ERC1: variants seen among roughly 807,000 people sequenced by gnomAD.
ERC1 encodes RAB6 interacting protein 2.
ERC1 carries 56 observed loss-of-function variants against 132.0 expected under a neutral mutation model. The ratio of observed to expected loss-of-function variants is 0.42; its 90% CI spans 0.34 to 0.53. The LOEUF (loss-of-function observed/expected upper bound fraction) is 0.53. ERC1 is among the 20% of genes least tolerant of loss of function. ERC1 has a pLI of 0.03. For synonymous variants in ERC1, 478 were observed against 476.1 expected, an observed-to-expected ratio of 1.00 and a Z score of -0.05; for missense variants, 1,202 against 1,349.9, an observed-to-expected ratio of 0.89 and a Z score of 1.72.
chr12:1,058,144 A>G (rs1330238425), intron 2 of ERC1, among the ~76,000 whole-genome samples: 1 of 150,736 alleles, frequency 6.6e-6, no homozygotes, highest in Non-Finnish European at 1.5e-5. Flanking sequence ...TTGTCTCTTC[A>G]CTCTGTTGAT....
At chr12:1,140,801 T>C (rs1283032449) in intron 7 of ERC1, among the ~76,000 whole-genome samples, 2 of 152,164 alleles carry the variant, frequency 1.3e-5, no homozygotes, top group Non-Finnish European at 2.9e-5. Context: ...AGGTGAAATA[T>C]ACATTAGATA....
intron 15 of ERC1, among the ~76,000 whole-genome samples, chr12:1,332,206 G>GA (rs2154358344): frequency 6.6e-6 from 1 of 152,002 alleles, no homozygotes; most frequent in East Asian, 1.9e-4. Flanking sequence ...CAGTACTTTT[G>GA]AATTTTTTTA....
intron 17 of ERC1, among the ~76,000 whole-genome samples, chr12:1,415,243 G>A (rs2092058224): frequency 6.6e-6 from 1 of 152,208 alleles, no homozygotes; most frequent in African/African-American, 2.4e-5. Flanking sequence ...ACCCCGTGGA[G>A]CAGTTTGTGT....
Position 1,485,013 on chromosome 12 carries a change from G to T in ERC1, c.3214-5080G>T, listed in dbSNP as rs114158700. On this transcript the variant is annotated intron_variant, in intron 18 of 18. Coordinates refer to ENST00000360905, the MANE Select transcript of ERC1 (RefSeq NM_178040.4). ...TCCTCCCACCTTAGCTTCCAGAGCG[G>T]CTAGAACTAGAGGCACGCACAACCA... 4.1e-3 allele frequency among the ~76,000 whole-genome samples: 626 copies of T among 151,392 alleles called. 6 individuals are homozygous for T. The highest frequency in any genetic ancestry group is 0.014 in the African/African-American group (590 of 41,222).
In ERC1 at chr12:1,495,372, T is replaced by G. The variant is rs991575540; in HGVS notation, c.*5142T>G. The G allele has an allele frequency of 2.2e-4, 50 of 228,230 alleles. No individual in the cohort carries two copies. The East Asian group carries it at 2.9e-3, about 13-fold the overall frequency. The allele number at this position is 228,230 out of a possible 1,614,324, so 14.1% of individuals were successfully genotyped here. ...CCCTAGATCTCCTAGGCCCAGGCTC[T>G]CTCTTGACCCCAGAGAAGCCACTGT... is the stretch of plus-strand genomic sequence containing the variant. On this transcript the variant is annotated 3_prime_UTR_variant, in exon 19 of 19. Transcript: ENST00000360905.
At chr12:1,199,163 A>C (rs1026312683) in intron 12 of ERC1, among the ~76,000 whole-genome samples, 2 of 150,736 alleles carry the variant, frequency 1.3e-5, no homozygotes. Flanking sequence ...TGATCCAGTC[A>C]CTTCCCACCA....
intron 13 of ERC1, among the ~76,000 whole-genome samples, chr12:1,249,582 T>A (rs546577160): frequency 6.6e-6 from 1 of 152,344 alleles, no homozygotes; most frequent in South Asian, 2.1e-4. Context: ...GGGGACCATG[T>A]CTTGGTATTT....
At chr12:1,289,696 T>G (rs552131995) in intron 14 of ERC1, among the ~76,000 whole-genome samples, 156 bp from the exon 15 acceptor site, 1 of 152,304 alleles carries the variant, frequency 6.6e-6, no homozygotes, top group East Asian at 1.9e-4. Context: ...ATTCTTGATA[T>G]ATACACACAC....
chr12:1,092,521 C>G (rs950809709), intron 3 of ERC1, among the ~76,000 whole-genome samples: 2 of 152,124 alleles, frequency 1.3e-5, no homozygotes, highest in Non-Finnish European at 2.9e-5. Context: ...CTTTGTTGTT[C>G]AGTGTTTCTG....
intron 16 of ERC1, among the ~76,000 whole-genome samples, chr12:1,377,524 A>G (rs779559416): frequency 9.2e-5 from 14 of 152,350 alleles, no homozygotes; most frequent in South Asian, 8.3e-4. Flanking sequence ...AATTTGTCCT[A>G]TAATATGGAC....
chr12:1,430,193 T>C (rs2092752760), intron 17 of ERC1: 1 of 152,014 alleles, frequency 6.6e-6, no homozygotes, highest in Non-Finnish European at 1.5e-5. Flanking sequence ...CCAAAATGAG[T>C]GATCCAAGAG....
chr12:1,065,423 T>C lies in ERC1; in HGVS notation c.670-17741T>C, dbSNP rs1938926955. Among the ~76,000 whole-genome samples the C allele has an allele frequency of 2.0e-5, 3 of 152,154 alleles. No homozygotes were observed. In the South Asian group the frequency reaches 6.2e-4, roughly 32 times the overall value. On this transcript the variant is annotated intron_variant, in intron 2 of 18. Transcript: ENST00000360905. ...TCACAATTTGTTTGTTTGTTTGATA[T>C]ATATCTCCTTGTTGAATTTTTCACT...
intron 8 of ERC1, among the ~76,000 whole-genome samples, chr12:1,168,436 C>CACTTT: frequency 6.7e-6 from 1 of 149,540 alleles, no homozygotes; most frequent in African/African-American, 2.5e-5. Flanking sequence ...TTTGGCACTT[C>CACTTT]TATAAAGCAG....
chr12:1,038,208 G>A (rs758428647), intron 2 of ERC1, among the ~76,000 whole-genome samples: 1 of 152,044 alleles, frequency 6.6e-6, no homozygotes, highest in Non-Finnish European at 1.5e-5. Context: ...ACGCCCAAGG[G>A]GGTATGGCAT....
chr12:1,161,034 A>G (rs886885387), intron 8 of ERC1, among the ~76,000 whole-genome samples: 2 of 152,150 alleles, frequency 1.3e-5, no homozygotes, highest in African/African-American at 2.4e-5. Flanking sequence ...TAATGAGTAC[A>G]TTTGTAGTTG....
At chr12:1,059,054 C>T (rs1362374720) in intron 2 of ERC1, among the ~76,000 whole-genome samples, 1 of 151,844 alleles carries the variant, frequency 6.6e-6, no homozygotes, top group African/African-American at 2.4e-5. Context: ...GCTCTTTCAC[C>T]TTCTTGGTTC....
rs561456324 is a variant in ERC1 at position 1,183,244 on chromosome 12, A to T, written c.2017-37A>T. ...AAAAATTTAAACCTCTATTTTTTTT[A>T]AAATTATTTATTCTAGATGTGTGTT... On this transcript the variant is annotated intron_variant, in intron 10 of 18. Coordinates refer to ENST00000360905, the MANE Select transcript of ERC1 (RefSeq NM_178040.4). 120 of 1,402,120 alleles carry T rather than the reference A, an allele frequency of 8.6e-5. 1 individual carries two copies. The highest frequency in any genetic ancestry group is 5.8e-4 in the Middle Eastern group (3 of 5,208). 86.9% of individuals were successfully genotyped at this position (1,402,120 alleles called of 1,614,324 possible).
chr12:1,006,535 A>G (rs1336604172), intron 1 of ERC1, among the ~76,000 whole-genome samples: 4 of 152,078 alleles, frequency 2.6e-5, no homozygotes, highest in Non-Finnish European at 4.4e-5. Flanking sequence ...GGGGCGTGCC[A>G]CCATGCCCAG....
chr12:1,069,763 A>G (rs925942749), intron 2 of ERC1, among the ~76,000 whole-genome samples: 5 of 152,226 alleles, frequency 3.3e-5, no homozygotes, highest in Admixed American at 1.3e-4. Context: ...AGCAAAATTT[A>G]TGAATATTCA....
Sources: allele counts gnomAD v4.1 joint callset (sites outside exome capture counted in the v4.1 genomes callset), GRCh38; gene constraint gnomAD v4.1.1; transcripts MANE v1.5; gene names NCBI Gene and HGNC (gene_info 2026-07-23, HGNC 2026-07-21).